Variants in EYS observed in about 807,000 individuals in gnomAD.
The protein encoded by EYS is EGF-like photoreceptor maintenance factor.
In EYS, 250 loss-of-function variants were observed where a neutral mutation model predicts 282.1. The observed-to-expected ratio is 0.89, with a 90% confidence interval of 0.80 to 0.98. The LOEUF (loss-of-function observed/expected upper bound fraction) is 0.98. Among genes scored for constraint, EYS ranks in the 50% least tolerant of loss-of-function variants. The pLI, the probability that EYS is intolerant of heterozygous loss-of-function variation, is 0.00. For synonymous variants in EYS, 1,355 were observed against 1,282.9 expected (o/e 1.06, Z -1.20); for missense variants, 4,016 against 3,709.0 (o/e 1.08, Z -2.15).
At chr6:64,468,061 G>C (rs1775983326) in intron 26 of EYS, among the ~76,000 whole-genome samples, 1 of 152,036 alleles carries the variant, frequency 6.6e-6, no homozygotes, top group South Asian at 2.1e-4. Context: ...AAGCTGTCTG[G>C]AGACCTGAGA....
intron 11 of EYS, chr6:65,330,649 A>T: frequency 1.1e-6 from 1 of 935,236 alleles, no homozygotes; most frequent in Non-Finnish European, 1.3e-6. Context: ...GCTATTCATT[A>T]ACTTTGTGTC....
At chr6:64,360,448 C>T (rs1219049724) in intron 29 of EYS, among the ~76,000 whole-genome samples, 2 of 151,718 alleles carry the variant, frequency 1.3e-5, no homozygotes, top group Admixed American at 6.6e-5. Context: ...ATGTCATTAT[C>T]ATGACCTACC....
intron 35 of EYS, among the ~76,000 whole-genome samples, chr6:63,910,947 C>T (rs596361): frequency 6.6e-6 from 1 of 152,194 alleles, no homozygotes; most frequent in Admixed American, 6.5e-5. Context: ...AGAAATAAAA[C>T]ATATTTCTCA....
rs540545568 is a variant in EYS at position 64,742,885 on chromosome 6, C to T, written c.3443+70493G>A. On this transcript the variant is annotated intron_variant, in intron 22 of 42. Coordinates refer to ENST00000503581, the MANE Select transcript of EYS (RefSeq NM_001142800.2). The stretch of plus-strand genomic sequence containing the variant: ...AGTTTTGTCAAAGCTTCTCACATTA[C>T]GAGGCAAGTATGAAAGCCACAAAAT... 2.6e-5 allele frequency among the ~76,000 whole-genome samples: 4 copies of T among 152,056 alleles called. No homozygotes were observed. In the South Asian group the frequency reaches 6.2e-4, roughly 24 times the overall value.
chr6:65,544,364 G>T (rs1768304484), intron 2 of EYS, among the ~76,000 whole-genome samples: 1 of 152,034 alleles, frequency 6.6e-6, no homozygotes, highest in Non-Finnish European at 1.5e-5. Context: ...ATTATTTTTG[G>T]ACTAAAGTAT....
intron 26 of EYS, among the ~76,000 whole-genome samples, chr6:64,494,551 CTG>C (rs1776834615): frequency 6.6e-6 from 1 of 151,264 alleles, no homozygotes; most frequent in African/African-American, 2.4e-5. Flanking sequence ...TCCAAATAAA[CTG>C]TTATTAGTTC....
intron 12 of EYS, among the ~76,000 whole-genome samples, chr6:65,138,074 G>A (rs57097431): frequency 0.017 from 2,656 of 152,100 alleles, 45 homozygotes; most frequent in African/African-American, 0.048. Flanking sequence ...TGAGAAGGAC[G>A]TTTTTAAAAT....
intron 2 of EYS, among the ~76,000 whole-genome samples, chr6:65,624,872 G>C (rs1302765348): frequency 1.3e-5 from 2 of 152,170 alleles, no homozygotes; most frequent in Admixed American, 6.5e-5. Flanking sequence ...TTGGGACTTG[G>C]ACTGGCTTCC....
intron 22 of EYS, among the ~76,000 whole-genome samples, chr6:64,707,437 A>T (rs1378680350): frequency 6.6e-6 from 1 of 152,032 alleles, no homozygotes; most frequent in Non-Finnish European, 1.5e-5. Flanking sequence ...TGGGAGACCG[A>T]GGTGGGCGGG....
intron 2 of EYS, among the ~76,000 whole-genome samples, chr6:65,618,430 T>A (rs1428570250): frequency 2.0e-5 from 3 of 152,248 alleles, no homozygotes; most frequent in Admixed American, 2.0e-4. Context: ...TTTGTTTGAG[T>A]TCATTGTAGA....
intron 30 of EYS, among the ~76,000 whole-genome samples, chr6:64,257,601 T>C (rs891745007): frequency 1.3e-5 from 2 of 152,072 alleles, no homozygotes; most frequent in African/African-American, 4.8e-5. Context: ...TATAAAGTGA[T>C]ACACAATATC....
intron 31 of EYS, among the ~76,000 whole-genome samples, chr6:64,143,353 T>C (rs1016226150): frequency 1.8e-5 from 2 of 111,844 alleles, no homozygotes; most frequent in Admixed American, 9.5e-5. Context: ...GGTTCATTTA[T>C]TGTAAAAAAA....
chr6:65,556,141 G>A (rs1768790835), intron 2 of EYS, among the ~76,000 whole-genome samples: 1 of 151,928 alleles, frequency 6.6e-6, no homozygotes, highest in African/African-American at 2.4e-5. Flanking sequence ...CTGTTTTAGG[G>A]GGTCATTTTC....
intron 19 of EYS, among the ~76,000 whole-genome samples, chr6:64,881,540 G>A (rs1283855914): frequency 1.3e-5 from 2 of 151,512 alleles, no homozygotes; most frequent in Non-Finnish European, 3.0e-5. Context: ...ATATTTAGTT[G>A]GATTTTGTTC....
chr6:64,353,873 G>A (rs1771730819), intron 29 of EYS, among the ~76,000 whole-genome samples: 2 of 151,566 alleles, frequency 1.3e-5, no homozygotes, highest in Admixed American at 1.3e-4. Context: ...AGATTTTCCA[G>A]CCTGATGAGG....
chr6:63,833,505 A>T (rs936546132), intron 36 of EYS, among the ~76,000 whole-genome samples: 1 of 152,180 alleles, frequency 6.6e-6, no homozygotes, highest in Non-Finnish European at 1.5e-5. Flanking sequence ...CTTACAAGGG[A>T]TGTGAAGGAC....
intron 36 of EYS, chr6:63,857,560 C>CT: frequency 3.4e-6 from 1 of 292,472 alleles, no homozygotes; most frequent in South Asian, 3.5e-5. Flanking sequence ...AGTGGTAGAA[C>CT]TTTAAGTGTA....
intron 16 of EYS, among the ~76,000 whole-genome samples, chr6:64,905,543 G>T (rs1198182559): frequency 6.6e-6 from 1 of 152,066 alleles, no homozygotes; most frequent in East Asian, 1.9e-4. Context: ...ACACACGAAT[G>T]GTCAGTAAAT....
Position 63,924,774 on chromosome 6 carries a change from C to A in EYS, c.7055+59609G>T, listed in dbSNP as rs1240890237. Among the ~76,000 whole-genome samples the A allele has an allele frequency of 3.3e-5, 5 of 152,270 alleles. No individual in the cohort carries two copies. The South Asian group carries it at 1.0e-3, about 32-fold the overall frequency. ...CTATGGCCAAGACAGAATGAATAAA[C>A]TAGATTTTCAAAATTAGAATTTATC... On this transcript the variant is annotated intron_variant, in intron 35 of 42. Coordinates refer to ENST00000503581, the MANE Select transcript of EYS (RefSeq NM_001142800.2).
Sources: allele counts gnomAD v4.1 joint callset (sites outside exome capture counted in the v4.1 genomes callset), GRCh38; gene constraint gnomAD v4.1.1; transcripts MANE v1.5; gene names NCBI Gene and HGNC (gene_info 2026-07-23, HGNC 2026-07-21).